SNX24: variants seen among roughly 807,000 people sequenced by gnomAD.
SNX24 encodes sorting nexin-24.
Under a neutral mutation model 28.7 loss-of-function variants are expected in SNX24, and 22 were observed. The observed-to-expected ratio is 0.77, with a 90% CI of 0.55 to 1.10. The LOEUF (loss-of-function observed/expected upper bound fraction) is 1.10, where lower values mean the gene tolerates loss of function less well. Among genes scored for constraint, SNX24 ranks in the 50% least tolerant of loss-of-function variants. SNX24 has a pLI of 0.00. For missense variants in SNX24, 221 were observed against 201.1 expected (o/e 1.10, Z -0.60); for synonymous variants, 69 against 71.5 (o/e 0.96, Z 0.18).
chr5:122,922,198 A>G (rs1758461975), intron 1 of SNX24, among the ~76,000 whole-genome samples: 1 of 152,166 alleles, frequency 6.6e-6, no homozygotes, highest in African/African-American at 2.4e-5. Context: ...TAACTTTAGT[A>G]TTTAAAGCTT....
chr5:122,900,366 CG>C (rs970643253), intron 1 of SNX24, among the ~76,000 whole-genome samples: 34 of 152,218 alleles, frequency 2.2e-4, no homozygotes, highest in Admixed American at 1.0e-3. Context: ...ACTATTAAAA[CG>C]TTTTTTTTAA....
At chr5:122,896,227 G>A (rs1187376248) in intron 1 of SNX24, among the ~76,000 whole-genome samples, 1 of 152,128 alleles carries the variant, frequency 6.6e-6, no homozygotes, top group Non-Finnish European at 1.5e-5. Context: ...CAGGTCTTTG[G>A]CACACATGTT....
chr5:122,909,972 A>G (rs1053930715), intron 1 of SNX24, among the ~76,000 whole-genome samples: 7 of 152,208 alleles, frequency 4.6e-5, no homozygotes, highest in Non-Finnish European at 7.3e-5. Context: ...TGAGGAATGC[A>G]ACTTTGAAGC....
In SNX24 at chr5:122,953,082, T is replaced by C. The variant is rs115403657; in HGVS notation, c.249+6923T>C. On this transcript the variant is annotated intron_variant, in intron 3 of 6. Transcript: ENST00000261369. ...TCTTTCTTTCTTCCTTTCTTCCTTT[T>C]TTCCTTCCCTTTCCTTTCCTTTCCT... is the stretch of plus-strand genomic sequence containing the variant. 7.3e-3 allele frequency among the ~76,000 whole-genome samples: 498 copies of C among 68,112 alleles called. 3 individuals carry two copies. Among genetic ancestry groups the C allele is most frequent in the African/African-American group, 0.029 (414 of 14,486 alleles). The allele number at this position is 68,112 out of a possible 152,430, so 44.7% of individuals were successfully genotyped here.
chr5:122,971,527 A>G (rs939001497), intron 3 of SNX24, among the ~76,000 whole-genome samples: 3 of 152,192 alleles, frequency 2.0e-5, no homozygotes, highest in African/African-American at 7.2e-5. Context: ...AAAGACAATA[A>G]TGAGGTCATA....
chr5:122,896,801 A>G (rs1757222808), intron 1 of SNX24, among the ~76,000 whole-genome samples: 1 of 152,178 alleles, frequency 6.6e-6, no homozygotes, highest in Admixed American at 6.5e-5. Flanking sequence ...ACTCCTCCCA[A>G]CTACTACTTG....
chr5:123,001,929 G>A lies in SNX24; in HGVS notation c.378-11G>A, dbSNP rs1319285527. The A allele has an allele frequency of 6.2e-7, 1 of 1,613,544 alleles. No homozygotes were observed. Among genetic ancestry groups the A allele is most frequent in the South Asian group, 1.1e-5 (1 of 91,068 alleles). On this transcript the variant is annotated splice_polypyrimidine_tract_variant and intron_variant, in intron 5 of 6. Coordinates refer to ENST00000261369, the MANE Select transcript of SNX24 (RefSeq NM_014035.4). ...CCCTGATGCTGACATGCCTGTTCTT[G>A]ACCTTTCCAGCAAACTGTCCCACCA...
At chr5:122,904,705 A>T (rs546971102) in intron 1 of SNX24, among the ~76,000 whole-genome samples, 117 of 152,266 alleles carry the variant, frequency 7.7e-4, no homozygotes, top group Middle Eastern at 3.4e-3. Context: ...GTCTTATTCT[A>T]TTCAGTATGC....
At chr5:122,901,565 G>A (rs927259138) in intron 1 of SNX24, among the ~76,000 whole-genome samples, 3 of 152,164 alleles carry the variant, frequency 2.0e-5, no homozygotes, top group African/African-American at 7.2e-5. Context: ...CCTAAGTCCT[G>A]GACACTGTTG....
rs1004699891 is a variant in SNX24 at position 122,876,478 on chromosome 5, C to T, written c.60+30785C>T. On this transcript the variant is annotated intron_variant, in intron 1 of 6. Transcript: ENST00000261369. ...GATATTAAAAAGTGCCATTTAACCT[C>T]TTGTGATCTTACTCTCAACAAAGTT... Among the ~76,000 whole-genome samples, 8 of 152,156 alleles carry T rather than the reference C, an allele frequency of 5.3e-5. No individual in the cohort carries two copies. In the East Asian group the frequency reaches 1.5e-3, roughly 29 times the overall value.
intron 3 of SNX24, among the ~76,000 whole-genome samples, chr5:122,990,866 C>T (rs560468209): frequency 8.5e-5 from 13 of 152,126 alleles, no homozygotes; most frequent in Middle Eastern, 3.4e-3. Context: ...CTTACAGGTA[C>T]GTAGCTAGTT....
chr5:122,931,428 G>A (rs1758949998), intron 1 of SNX24, among the ~76,000 whole-genome samples: 1 of 152,086 alleles, frequency 6.6e-6, no homozygotes, highest in South Asian at 2.1e-4. Context: ...ACCCTGCTGA[G>A]CACCTGACAA....
intron 3 of SNX24, among the ~76,000 whole-genome samples, chr5:122,990,671 G>A (rs1462402153): frequency 6.6e-6 from 1 of 152,068 alleles, no homozygotes; most frequent in African/African-American, 2.4e-5. Context: ...CTGTCTGTAG[G>A]GAACATTTTA....
At chr5:122,986,047 G>C (rs1761590491) in intron 3 of SNX24, among the ~76,000 whole-genome samples, 1 of 152,090 alleles carries the variant, frequency 6.6e-6, no homozygotes, top group Non-Finnish European at 1.5e-5. Context: ...AGGAGCTCCA[G>C]AGGATGCTGT....
intron 1 of SNX24, among the ~76,000 whole-genome samples, chr5:122,911,006 A>G (rs1757860448): frequency 1.3e-5 from 2 of 152,274 alleles, no homozygotes; most frequent in South Asian, 4.2e-4. Context: ...GCTGGGTCAA[A>G]TGGTATTTGT....
chr5:122,934,216 C>G (rs1561619671), intron 1 of SNX24, among the ~76,000 whole-genome samples: 1 of 152,222 alleles, frequency 6.6e-6, no homozygotes, highest in East Asian at 1.9e-4. Flanking sequence ...CGCCACCTCA[C>G]GAGGTGCCTA....
intron 1 of SNX24, among the ~76,000 whole-genome samples, chr5:122,910,551 C>T (rs537119835): frequency 4.0e-5 from 6 of 151,150 alleles, no homozygotes; most frequent in Admixed American, 3.3e-4. Context: ...ATGTGCCATG[C>T]TGGTGTGCTG....
chr5:122,868,365 G>T (rs1343429603), intron 1 of SNX24, among the ~76,000 whole-genome samples: 1 of 152,138 alleles, frequency 6.6e-6, no homozygotes, highest in East Asian at 1.9e-4. Flanking sequence ...ATGGTAACTT[G>T]GTGGCCCATG....
At chr5:122,961,194 A>C (rs561097157) in intron 3 of SNX24, among the ~76,000 whole-genome samples, 3 of 152,342 alleles carry the variant, frequency 2.0e-5, no homozygotes, top group Admixed American at 6.5e-5. Flanking sequence ...GGAATGCAGC[A>C]GGGAAGCCCC....
Sources: gnomAD v4.1 joint callset for allele counts (sites outside exome capture counted in the v4.1 genomes callset) on GRCh38, gnomAD v4.1.1 for gene constraint, MANE v1.5 for transcripts, NCBI Gene and HGNC (gene_info 2026-07-23, HGNC 2026-07-21) for gene names.